CPEB3: variants seen among roughly 807,000 people sequenced by gnomAD.
CPEB3 encodes the protein cytoplasmic polyadenylation element-binding protein 3.
Under a neutral mutation model 67.2 loss-of-function variants are expected in CPEB3, and 20 were observed. The ratio of observed to expected loss-of-function variants is 0.30; its 90% CI spans 0.21 to 0.43. CPEB3 has a LOEUF of 0.43. Among genes scored for constraint, CPEB3 ranks in the 20% least tolerant of loss-of-function variants. The probability of loss-of-function intolerance (pLI) is 1.00; values close to 1 mark genes in which losing one functional copy is unlikely to be tolerated. For missense variants in CPEB3, 746 were observed against 968.6 expected, an observed-to-expected ratio of 0.77 and a Z score of 3.05; for synonymous variants, 376 against 393.1, an observed-to-expected ratio of 0.96 and a Z score of 0.51.
intron 4 of CPEB3, among the ~76,000 whole-genome samples, chr10:92,166,496 T>A (rs1444457874): frequency 6.6e-6 from 1 of 152,194 alleles, no homozygotes; most frequent in Admixed American, 6.5e-5. Flanking sequence ...GTATTAGCAG[T>A]CATGAAAACA....
intron 9 of CPEB3, among the ~76,000 whole-genome samples, chr10:92,064,212 A>G (rs181839349): frequency 6.6e-6 from 1 of 152,302 alleles, no homozygotes; most frequent in East Asian, 1.9e-4. Flanking sequence ...TAGAGTTGCC[A>G]TACTATATCA....
chr10:92,123,174 T>G (rs2133634787), intron 6 of CPEB3, among the ~76,000 whole-genome samples: 1 of 152,292 alleles, frequency 6.6e-6, no homozygotes, highest in South Asian at 2.1e-4. Context: ...GGCAGTGACC[T>G]GGGGCATTTG....
At chr10:92,274,782 G>A (rs565605117) in intron 1 of CPEB3, among the ~76,000 whole-genome samples, 2 of 152,128 alleles carry the variant, frequency 1.3e-5, no homozygotes, top group South Asian at 2.1e-4. Flanking sequence ...TCGAGGCTGC[G>A]TCACTGCTCT....
intron 2 of CPEB3, among the ~76,000 whole-genome samples, chr10:92,199,262 A>G (rs1849388879): frequency 6.6e-6 from 1 of 151,838 alleles, no homozygotes; most frequent in Non-Finnish European, 1.5e-5. Context: ...ATGGTGGCGC[A>G]TGCCTGTAAT....
At chr10:92,218,000 C>T (rs1330307714) in intron 2 of CPEB3, among the ~76,000 whole-genome samples, 1 of 152,158 alleles carries the variant, frequency 6.6e-6, no homozygotes, top group Non-Finnish European at 1.5e-5. Context: ...GTCCTAGCTA[C>T]ACAGGAGGCT....
intron 4 of CPEB3, among the ~76,000 whole-genome samples, chr10:92,145,635 CAAAA>C (rs35889055): frequency 1.3e-5 from 1 of 74,718 alleles, no homozygotes. Flanking sequence ...AACTCAGTCT[CAAAA>C]AAAAAAAAAA....
chr10:92,232,576 G>T (rs1018109817), intron 2 of CPEB3, among the ~76,000 whole-genome samples: 5 of 151,594 alleles, frequency 3.3e-5, no homozygotes, highest in African/African-American at 1.2e-4. Context: ...GGCCAACATA[G>T]TGAAACCCCG....
At position 92,174,791 on chromosome 10, in the gene CPEB3, C is replaced by T. The variant is rs564525555; in HGVS notation, c.1222+6172G>A. Among the ~76,000 whole-genome samples, 5 of 152,030 alleles carry T rather than the reference C, an allele frequency of 3.3e-5. No individual in the cohort carries two copies. The South Asian group carries it at 6.2e-4, about 19-fold the overall frequency. The stretch of plus-strand genomic sequence containing the variant: ...CAGACTCTAATTACATCAAAGATCT[C>T]GGAAAAGGAATGGCAGGAAAACTTT... On this transcript the variant is annotated intron_variant, in intron 4 of 9. Coordinates refer to ENST00000265997, the MANE Select transcript of CPEB3 (RefSeq NM_014912.5).
intron 6 of CPEB3, among the ~76,000 whole-genome samples, chr10:92,135,866 A>G (rs1274743855): frequency 6.6e-6 from 1 of 152,182 alleles, no homozygotes; most frequent in East Asian, 1.9e-4. Flanking sequence ...TTGTAGGGAC[A>G]TGGATGCAGC....
At chr10:92,235,438 T>C (rs988942101) in intron 2 of CPEB3, among the ~76,000 whole-genome samples, 3 of 151,386 alleles carry the variant, frequency 2.0e-5, no homozygotes, top group African/African-American at 4.9e-5. Flanking sequence ...GGGTGAGACA[T>C]TGTCTCAAAA....
At chr10:92,230,907 A>T (rs888981322) in intron 2 of CPEB3, among the ~76,000 whole-genome samples, 1 of 152,148 alleles carries the variant, frequency 6.6e-6, no homozygotes, top group Non-Finnish European at 1.5e-5. Context: ...TGACAACCAC[A>T]CTGGCCCCTA....
intron 2 of CPEB3, among the ~76,000 whole-genome samples, chr10:92,192,923 T>A: frequency 6.6e-6 from 1 of 152,174 alleles, no homozygotes; most frequent in East Asian, 1.9e-4. Flanking sequence ...GATCCTGCTC[T>A]TTTCATTAAG....
At chr10:92,260,241 T>C (rs1852729999) in intron 1 of CPEB3, among the ~76,000 whole-genome samples, 1 of 152,148 alleles carries the variant, frequency 6.6e-6, no homozygotes, top group Non-Finnish European at 1.5e-5. Context: ...CCAGTCTTAC[T>C]GCAGGGTATC....
At chr10:92,053,489 G>C (rs529086442) in intron 9 of CPEB3, among the ~76,000 whole-genome samples, 2 of 150,288 alleles carry the variant, frequency 1.3e-5, no homozygotes, top group South Asian at 4.2e-4. Context: ...TCAGCCTCGC[G>C]AGTAGCTGGG....
intron 7 of CPEB3, among the ~76,000 whole-genome samples, chr10:92,100,100 A>C (rs1322551562): frequency 6.6e-6 from 1 of 152,096 alleles, no homozygotes; most frequent in East Asian, 1.9e-4. Flanking sequence ...AAGCCACTGC[A>C]CTCCAGCCTG....
intron 1 of CPEB3, among the ~76,000 whole-genome samples, chr10:92,277,042 A>AT (rs201991033): frequency 0.013 from 2,033 of 152,188 alleles, 48 homozygotes; most frequent in African/African-American, 0.047. Flanking sequence ...AGTTGAAGAG[A>AT]TTTTTTTATA....
Position 92,047,244 on chromosome 10 carries a change from G to A in CPEB3, c.*4968C>T, listed in dbSNP as rs1251583438. 1 of 148,344 alleles carries A rather than the reference G, an allele frequency of 6.7e-6. No homozygotes were observed. The highest frequency in any genetic ancestry group is 2.4e-5 in the African/African-American group (1 of 41,076). The allele number at this position is 148,344 out of a possible 1,614,324, so 9.2% of individuals were successfully genotyped here. Reference sequence around the variant, plus strand: ...GGAACACTATTGCAGCTGAGATAGAGAAGTTTGGTTATTATAAAAGAAAAA... The same window carrying A: ...GGAACACTATTGCAGCTGAGATAGAAAAGTTTGGTTATTATAAAAGAAAAA... On this transcript the variant is annotated 3_prime_UTR_variant, in exon 10 of 10. Coordinates refer to ENST00000265997, the MANE Select transcript of CPEB3 (RefSeq NM_014912.5).
chr10:92,127,054 C>A (rs1590197186), intron 6 of CPEB3, among the ~76,000 whole-genome samples: 1 of 152,128 alleles, frequency 6.6e-6, no homozygotes, highest in East Asian at 1.9e-4. Context: ...TCCCTGCACT[C>A]ATAAAACTTA....
rs938701787 is a variant in CPEB3 at position 92,050,483 on chromosome 10, T to C, written c.*1729A>G. 2.0e-5 allele frequency: 3 copies of C among 152,568 alleles called. No individual in the cohort carries two copies. Among genetic ancestry groups the C allele is most frequent in the Admixed American group, 6.5e-5 (1 of 15,268 alleles). 9.5% of individuals were successfully genotyped at this position (152,568 alleles called of 1,614,324 possible). On this transcript the variant is annotated 3_prime_UTR_variant, in exon 10 of 10. Transcript: ENST00000265997. Reference sequence around the variant, plus strand: ...AGAATTCCAAAACATAGGAAGAAGATTAAAAAAAGATTTACATAGTCTTGC... The same window carrying C: ...AGAATTCCAAAACATAGGAAGAAGACTAAAAAAAGATTTACATAGTCTTGC...
Sources: gnomAD v4.1 joint callset for allele counts (sites outside exome capture counted in the v4.1 genomes callset) on GRCh38, gnomAD v4.1.1 for gene constraint, MANE v1.5 for transcripts, NCBI Gene and HGNC (gene_info 2026-07-23, HGNC 2026-07-21) for gene names.